LPP: variants seen among roughly 807,000 people sequenced by gnomAD.
LPP encodes the protein LIM domain containing preferred translocation partner in lipoma.
A neutral mutation model predicts 60.4 loss-of-function variants in LPP; 38 were observed. The ratio of observed to expected loss-of-function variants is 0.63; its 90% CI spans 0.49 to 0.83. The LOEUF is 0.83. LPP is among the 40% of genes least tolerant of loss of function. The probability of loss-of-function intolerance (pLI) is 0.00; values close to 1 mark genes in which losing one functional copy is unlikely to be tolerated. For synonymous variants in LPP, 328 were observed against 290.8 expected, an observed-to-expected ratio of 1.13 and a Z score of -1.30; for missense variants, 902 against 783.6, an observed-to-expected ratio of 1.15 and a Z score of -1.80.
rs7632060 is a variant in LPP, at chr3:188,573,973, G to C, written c.430-35188G>C. On this transcript the variant is annotated intron_variant, in intron 6 of 11. Transcript: ENST00000617246. ...GAAATATGTTGTTAATAGGGAGCCA[G>C]AATTATTACCTTTCTCCGTAGCTCC... is the stretch of plus-strand genomic sequence containing the variant. Among the ~76,000 whole-genome samples the C allele has an allele frequency of 1.1e-3, 161 of 152,094 alleles. 1 individual carries two copies. Among genetic ancestry groups the C allele is most frequent in the African/African-American group, 3.7e-3 (153 of 41,488 alleles).
intron 6 of LPP, among the ~76,000 whole-genome samples, chr3:188,563,470 G>GTGTGTGTGTGTGTT (rs1831259639): frequency 8.9e-6 from 1 of 112,178 alleles, no homozygotes; most frequent in African/African-American, 2.9e-5. Context: ...ATGTGTGTGT[G>GTGTGTGTGTGTGTT]TGTGTGTGTG....
chr3:188,493,277 G>T lies in LPP; in HGVS notation c.306+8573G>T, dbSNP rs953328680. On this transcript the variant is annotated intron_variant, in intron 5 of 11. Transcript: ENST00000617246. ...CATTTAGTATCATTTAGTATTCAGT[G>T]CAGCAGATGAGAAATCTGATGCCAG... Among the ~76,000 whole-genome samples the T allele has an allele frequency of 2.0e-5, 3 of 152,196 alleles. No individual in the cohort carries two copies. The East Asian group carries it at 5.8e-4, about 29-fold the overall frequency.
chr3:188,617,826 T>A (rs1025298494), intron 7 of LPP, among the ~76,000 whole-genome samples: 1 of 152,192 alleles, frequency 6.6e-6, no homozygotes, highest in Non-Finnish European at 1.5e-5. Context: ...GAAATTCTAT[T>A]TATCAGTGTT....
At chr3:188,776,769 T>G in intron 9 of LPP, among the ~76,000 whole-genome samples, 1 of 152,186 alleles carries the variant, frequency 6.6e-6, no homozygotes, top group East Asian at 1.9e-4. Flanking sequence ...TCTCATGCCA[T>G]TTAAACTGGA....
intron 1 of LPP, among the ~76,000 whole-genome samples, chr3:188,164,707 A>C (rs1295434660): frequency 6.6e-6 from 1 of 152,162 alleles, no homozygotes; most frequent in Non-Finnish European, 1.5e-5. Context: ...GTCACCCTGG[A>C]AGTCTCTCTT....
chr3:188,346,249 A>ATTTTTTTTTTTT (rs1764321005), intron 3 of LPP, among the ~76,000 whole-genome samples: 1 of 124,228 alleles, frequency 8.0e-6, no homozygotes, highest in Admixed American at 7.7e-5. Context: ...AAAGTAGCAA[A>ATTTTTTTTTTTT]TCTTTTTTTT....
At chr3:188,273,324 C>A (rs1738462652) in intron 2 of LPP, among the ~76,000 whole-genome samples, 1 of 152,196 alleles carries the variant, frequency 6.6e-6, no homozygotes, top group African/African-American at 2.4e-5. Context: ...AGGATTTCTA[C>A]TTTCTTATTA....
chr3:188,239,771 A>G (rs1290800714), intron 2 of LPP: 1 of 217,018 alleles, frequency 4.6e-6, no homozygotes, highest in African/African-American at 2.3e-5. Flanking sequence ...CTATTACTGC[A>G]CTATTAGTAT....
chr3:188,666,167 G>A (rs1226615332), intron 7 of LPP, among the ~76,000 whole-genome samples: 1 of 152,186 alleles, frequency 6.6e-6, no homozygotes, highest in Non-Finnish European at 1.5e-5. Flanking sequence ...ACTAAGAATT[G>A]TAATGTTATA....
intron 7 of LPP, among the ~76,000 whole-genome samples, chr3:188,645,346 G>A (rs769870469): frequency 2.0e-5 from 3 of 151,540 alleles, no homozygotes; most frequent in Admixed American, 6.6e-5. Flanking sequence ...CTTTAGATAC[G>A]TTGAAGACAA....
At chr3:188,557,620 C>CCT (rs751117484) in intron 6 of LPP, among the ~76,000 whole-genome samples, 8 of 151,798 alleles carry the variant, frequency 5.3e-5, no homozygotes, top group African/African-American at 1.7e-4. Flanking sequence ...TCTCACCTAG[C>CCT]CTCTCTCTCT....
chr3:188,495,084 T>TATATATATA (rs61034825), intron 5 of LPP, among the ~76,000 whole-genome samples: 1 of 15,492 alleles, frequency 6.5e-5, no homozygotes, highest in Admixed American at 1.2e-3. Context: ...ATATATATAT[T>TATATATATA]TTATTTATAT....
At chr3:188,458,677 C>T (rs2098263623) in intron 4 of LPP, among the ~76,000 whole-genome samples, 1 of 152,176 alleles carries the variant, frequency 6.6e-6, no homozygotes, top group Admixed American at 6.5e-5. Flanking sequence ...TTAGTCACTT[C>T]TGCAAATTTT....
At chr3:188,759,948 A>T (rs936114061) in intron 8 of LPP, among the ~76,000 whole-genome samples, 165 bp from the exon 9 acceptor site, 1 of 152,242 alleles carries the variant, frequency 6.6e-6, no homozygotes, top group East Asian at 1.9e-4. Flanking sequence ...GGGTGGCTGT[A>T]CTGGTGATCT....
At chr3:188,799,579 CT>C (rs1241830027) in intron 9 of LPP, among the ~76,000 whole-genome samples, 1 of 152,038 alleles carries the variant, frequency 6.6e-6, no homozygotes, top group Non-Finnish European at 1.5e-5. Context: ...TGTTAAACTC[CT>C]TTTTCTTTCC....
intron 6 of LPP, among the ~76,000 whole-genome samples, chr3:188,608,634 A>G (rs1242424242): frequency 1.3e-5 from 2 of 152,192 alleles, no homozygotes; most frequent in Non-Finnish European, 2.9e-5. Flanking sequence ...TGGCTTCAAG[A>G]TTGATAAGGC....
At chr3:188,347,705 T>A (rs574627613) in intron 3 of LPP, among the ~76,000 whole-genome samples, 21 of 152,184 alleles carry the variant, frequency 1.4e-4, no homozygotes, top group Non-Finnish European at 2.9e-4. Flanking sequence ...GCTGCCAAAT[T>A]GTGATGACTG....
At chr3:188,812,803 C>T (rs1751410755) in intron 9 of LPP, among the ~76,000 whole-genome samples, 1 of 151,422 alleles carries the variant, frequency 6.6e-6, no homozygotes. Context: ...CTCGCTGCAG[C>T]TTTCTGTATG....
intron 4 of LPP, among the ~76,000 whole-genome samples, chr3:188,470,134 A>C (rs1801442901): frequency 6.6e-6 from 1 of 152,136 alleles, no homozygotes; most frequent in South Asian, 2.1e-4. Flanking sequence ...ACAAAAACTT[A>C]CACATTTTAA....
Sources: allele counts gnomAD v4.1 joint callset (sites outside exome capture counted in the v4.1 genomes callset), GRCh38; gene constraint gnomAD v4.1.1; transcripts MANE v1.5; gene names NCBI Gene and HGNC (gene_info 2026-07-23, HGNC 2026-07-21).